RPS3: variants seen among roughly 807,000 people sequenced by gnomAD.
RPS3 encodes the protein small ribosomal subunit protein uS3.
RPS3 carries 2 observed loss-of-function variants against 25.8 expected under a neutral mutation model. The observed-to-expected ratio is 0.08, with a 90% CI of 0.03 to 0.24. The LOEUF is 0.24. RPS3 is among the 10% of genes least tolerant of loss of function. The pLI, the probability that RPS3 is intolerant of heterozygous loss-of-function variation, is 1.00. For synonymous variants in RPS3, 114 were observed against 114.2 expected, an observed-to-expected ratio of 1.00 and a Z score of 0.01; for missense variants, 107 against 307.1, an observed-to-expected ratio of 0.35 and a Z score of 4.87.
Position 75,404,518 on chromosome 11 carries a change from CA to C in RPS3, c.539-153del, listed in dbSNP as rs1565164525. 2.4e-6 allele frequency: 2 copies of C among 841,386 alleles called. No individual in the cohort carries two copies. The allele number at this position is 841,386 out of a possible 1,614,324, so 52.1% of individuals were successfully genotyped here. A position where few individuals can be genotyped will look rare whatever the true frequency, so the allele number is the denominator to read the frequency against. The stretch of plus-strand genomic sequence containing the variant: ...TGGTGCTGTGCACGAGTTCCTTTGG[CA>C]GAAGTGTCCTATTTATTGATCGATT... On this transcript the variant is annotated intron_variant, in intron 5 of 6. Transcript: ENST00000531188. The surrounding 1 kb of genome is among the most constrained non-coding windows in gnomAD (Gnocchi z 4.6).
intron 4 of RPS3, 24 bp downstream of exon 4, chr11:75,402,470 T>C (rs752343879): frequency 2.8e-5 from 44 of 1,587,622 alleles, no homozygotes; most frequent in Non-Finnish European, 3.7e-5. Context: ...GACCTAATGG[T>C]CATGACCTTT....
At chr11:75,405,189 GTC>G (rs1304846727) in intron 6 of RPS3, 1 of 204,890 alleles carries the variant, frequency 4.9e-6, no homozygotes, top group African/African-American at 2.3e-5. Flanking sequence ...CAATTCTCCT[GTC>G]TCAGCCTCCC....
chr11:75,413,249 A>T (rs533478615), intron 6 of RPS3, among the ~76,000 whole-genome samples: 4,077 of 109,642 alleles, frequency 0.037, 81 homozygotes, highest in Middle Eastern at 0.04. Flanking sequence ...ATATATATAT[A>T]TTTTTTTTTT....
chr11:75,403,002 A>G (rs1948233914), intron 4 of RPS3: 2 of 152,254 alleles, frequency 1.3e-5, no homozygotes, highest in South Asian at 4.1e-4. Context: ...TGCAGATAGT[A>G]GTAATGTGAG....
intron 2 of RPS3, among the ~76,000 whole-genome samples, chr11:75,401,031 C>T (rs1412098917): frequency 6.6e-6 from 1 of 152,108 alleles, no homozygotes; most frequent in Non-Finnish European, 1.5e-5. Flanking sequence ...TATAGGCGCC[C>T]GCCACCATAC....
In RPS3 at chr11:75,401,691, T is replaced by C; in HGVS notation, c.213T>C (p.Ala71=). ...EKGRRIRELT[A]VVQKRFGFPE... ...GCCGGCGGATTCGGGAACTGACTGC[T>C]GTAGTTCAGAAGAGGTTTGGCTTTC... is the stretch of plus-strand genomic sequence containing the variant. Residue 71 remains alanine, a synonymous_variant, in exon 3 of 7, where the codon GCT becomes GCC. Coordinates refer to ENST00000531188, the MANE Select transcript of RPS3 (RefSeq NM_001005.5). 2.5e-6 allele frequency: 4 copies of C among 1,613,546 alleles called. No individual in the cohort carries two copies. The highest frequency in any genetic ancestry group is 3.4e-6 in the Non-Finnish European group (4 of 1,179,420).
At chr11:75,409,695 G>C (rs1292589599), downstream of RPS3, among the ~76,000 whole-genome samples, 1 of 135,012 alleles carries the variant, frequency 7.4e-6, no homozygotes. Flanking sequence ...CCAATGAGCC[G>C]CTGGGCACAC....
chr11:75,405,050 G>A lies in RPS3; in HGVS notation c.*3+182G>A, dbSNP rs566662301. On this transcript the variant is annotated intron_variant, in intron 6 of 6. Transcript: ENST00000531188. ...TTTAACCCTTGGTTCCAATGGGACA[G>A]GTGTTGCCTTTATTCTTTCCAGAAA... is the stretch of plus-strand genomic sequence containing the variant. 1.3e-5 allele frequency: 6 copies of A among 463,844 alleles called. No homozygotes were observed. The Admixed American group carries it at 1.9e-4, about 15-fold the overall frequency. The allele number at this position is 463,844 out of a possible 1,614,324, so 28.7% of individuals were successfully genotyped here. A position where few individuals can be genotyped will look rare whatever the true frequency, so the allele number is the denominator to read the frequency against.
At position 75,406,676 on chromosome 11, in the gene RPS3, C is replaced by A. The variant is rs1327832054; in HGVS notation, c.*1066C>A. The A allele has an allele frequency of 6.6e-6, 1 of 152,138 alleles. No individual in the cohort carries two copies. The highest frequency in any genetic ancestry group is 6.5e-5 in the Admixed American group (1 of 15,280). 9.4% of individuals were successfully genotyped at this position (152,138 alleles called of 1,614,324 possible). ...ATCTTAACCATTTAAGTGTACACTT[C>A]TATAGTGACAGAGTTAGCCCTCTGT... is the stretch of plus-strand genomic sequence containing the variant. On this transcript the variant is annotated 3_prime_UTR_variant, in exon 7 of 7. Coordinates refer to ENST00000531188, the MANE Select transcript of RPS3 (RefSeq NM_001005.5).
downstream of RPS3, among the ~76,000 whole-genome samples, chr11:75,409,331 G>A (rs1309713830): frequency 4.4e-5 from 6 of 136,892 alleles, no homozygotes; most frequent in East Asian, 8.2e-4. Flanking sequence ...AGGACCCTGC[G>A]GCCTTCCGCA....
downstream of RPS3, among the ~76,000 whole-genome samples, chr11:75,409,868 T>C: frequency 7.7e-6 from 1 of 129,460 alleles, no homozygotes; most frequent in South Asian, 2.6e-4. Context: ...AGAGGGGTCC[T>C]CACTTCCCAG....
downstream of RPS3, among the ~76,000 whole-genome samples, chr11:75,411,679 T>C (rs1244082929): frequency 6.6e-6 from 1 of 152,184 alleles, no homozygotes; most frequent in African/African-American, 2.4e-5. Context: ...TGTGAGCCAC[T>C]GCACCCAGCC....
intron 6 of RPS3, among the ~76,000 whole-genome samples, chr11:75,412,138 G>A (rs1948362556): frequency 6.6e-6 from 1 of 152,212 alleles, no homozygotes; most frequent in South Asian, 2.1e-4. Context: ...GTACCTGGCT[G>A]TTTACACTGC....
intron 6 of RPS3, among the ~76,000 whole-genome samples, chr11:75,418,299 T>C (rs1948417057): frequency 6.6e-6 from 1 of 152,264 alleles, no homozygotes; most frequent in Non-Finnish European, 1.5e-5. Flanking sequence ...GTTCTGCCAT[T>C]GTGGCAGTCT....
At position 75,400,285 on chromosome 11, in the gene RPS3, A is replaced by T. The variant is rs923669645; in HGVS notation, c.31-409A>T. ...AGAGAGCTTATATGTTAAGTCTACTATCTATTCCTTAACAGTGACAAGTAC... is the reference window on the plus strand; with the variant it reads ...AGAGAGCTTATATGTTAAGTCTACTTTCTATTCCTTAACAGTGACAAGTAC... On this transcript the variant is annotated intron_variant, in intron 1 of 6. Coordinates refer to ENST00000531188, the MANE Select transcript of RPS3 (RefSeq NM_001005.5). The T allele has an allele frequency of 8.5e-6, 4 of 468,182 alleles. No homozygotes were observed. The Admixed American group carries it at 8.9e-5, about 10-fold the overall frequency. The allele number at this position is 468,182 out of a possible 1,614,324, so 29.0% of individuals were successfully genotyped here.
chr11:75,413,473 G>A (rs1390765474), intron 6 of RPS3, among the ~76,000 whole-genome samples: 1 of 151,854 alleles, frequency 6.6e-6, no homozygotes, highest in Non-Finnish European at 1.5e-5. Flanking sequence ...AGCCAGGATG[G>A]TCTCTATCTC....
chr11:75,410,859 G>A (rs189379257), downstream of RPS3, among the ~76,000 whole-genome samples: 55 of 152,166 alleles, frequency 3.6e-4, no homozygotes, highest in Non-Finnish European at 3.7e-4. Flanking sequence ...GGCGGCGCGC[G>A]CCTGCAATCG....
At chr11:75,418,389 T>C (rs1254904529) in intron 6 of RPS3, among the ~76,000 whole-genome samples, 2 of 152,262 alleles carry the variant, frequency 1.3e-5, no homozygotes, top group Non-Finnish European at 2.9e-5. Context: ...GTATTTGGGT[T>C]ATCTTTTATT....
chr11:75,418,511 A>G (rs1948419284), intron 6 of RPS3, among the ~76,000 whole-genome samples: 1 of 152,216 alleles, frequency 6.6e-6, no homozygotes, highest in Non-Finnish European at 1.5e-5. Flanking sequence ...AATTTTTTAA[A>G]AAATAAAGTA....
Sources: allele counts gnomAD v4.1 joint callset (sites outside exome capture counted in the v4.1 genomes callset), GRCh38; gene constraint gnomAD v4.1.1; non-coding constraint Gnocchi (gnomAD v3.1); transcripts MANE v1.5; gene names NCBI Gene and HGNC (gene_info 2026-07-23, HGNC 2026-07-21).